Variants in SYNE2 observed in about 807,000 individuals in gnomAD.
SYNE2 encodes the protein spectrin repeat containing nuclear envelope protein 2.
SYNE2 carries 431 observed loss-of-function variants against 856.3 expected under a neutral mutation model. The observed-to-expected ratio is 0.50, with a 90% CI of 0.47 to 0.55. SYNE2 has a LOEUF of 0.55. SYNE2 is among the 20% of genes least tolerant of loss of function. SYNE2 has a pLI of 0.00. For missense variants in SYNE2, 8,129 were observed against 8,023.2 expected (o/e 1.01, Z -0.50); for synonymous variants, 2,923 against 2,872.3 (o/e 1.02, Z -0.56).
At chr14:63,808,053 C>G (rs1490561229) in intron 1 of SYNE2, among the ~76,000 whole-genome samples, 1 of 102,624 alleles carries the variant, frequency 9.7e-6, no homozygotes, top group Admixed American at 1.6e-4. Flanking sequence ...TTACATCATT[C>G]TTATGCCTTT....
chr14:63,768,499 C>G (rs1886772989), intron 1 of SYNE2, among the ~76,000 whole-genome samples: 1 of 152,126 alleles, frequency 6.6e-6, no homozygotes, highest in Admixed American at 6.6e-5. Context: ...TACCATATTC[C>G]AAAGTGCATA....
chr14:64,070,946 T>C (rs770519987), intron 52 of SYNE2, 36 bp downstream of exon 52: 2 of 1,610,000 alleles, frequency 1.2e-6, no homozygotes, highest in Non-Finnish European at 1.7e-6. Flanking sequence ...GACGTGTGCT[T>C]GACAATTATG....
At chr14:63,991,353 G>A (rs1433243754) in intron 21 of SYNE2, among the ~76,000 whole-genome samples, 1 of 152,168 alleles carries the variant, frequency 6.6e-6, no homozygotes, top group Non-Finnish European at 1.5e-5. Context: ...GGTGTAAAGA[G>A]TGCAGCCGAC....
chr14:64,014,388 T>A (rs1342147394), intron 32 of SYNE2, among the ~76,000 whole-genome samples: 1 of 151,994 alleles, frequency 6.6e-6, no homozygotes, highest in African/African-American at 2.4e-5. Flanking sequence ...TGTCCAGGAG[T>A]GTGCTTGCTG....
intron 78 of SYNE2, 48 bp downstream of exon 78, chr14:64,134,248 G>A (rs2098059435): frequency 6.2e-7 from 1 of 1,603,264 alleles, no homozygotes; most frequent in Non-Finnish European, 8.5e-7. Context: ...ATAGCACTTT[G>A]TGTTTTACAT....
intron 94 of SYNE2, among the ~76,000 whole-genome samples, chr14:64,172,354 A>G (rs1386217384): frequency 6.6e-6 from 1 of 152,248 alleles, no homozygotes; most frequent in East Asian, 1.9e-4. Flanking sequence ...GGCTGGTGTC[A>G]TCTGAAGCTC....
intron 1 of SYNE2, among the ~76,000 whole-genome samples, chr14:63,808,161 C>T (rs1595129935): frequency 1.3e-5 from 2 of 151,728 alleles, no homozygotes; most frequent in Admixed American, 1.3e-4. Context: ...GTCCTGGGCT[C>T]AAGCGATTCC....
At chr14:64,177,544 G>T in intron 96 of SYNE2, 61 bp downstream of exon 96, 1 of 1,605,988 alleles carries the variant, frequency 6.2e-7, no homozygotes, top group Non-Finnish European at 8.5e-7. Context: ...GTACTTTGAA[G>T]TGCTTCTTTG....
chr14:64,185,231 T>C (rs1382442925), intron 96 of SYNE2, among the ~76,000 whole-genome samples: 2 of 152,116 alleles, frequency 1.3e-5, no homozygotes, highest in Admixed American at 1.3e-4. Flanking sequence ...CACTGTAGTC[T>C]AGCATGGGAA....
At chr14:64,129,666 G>T in intron 74 of SYNE2, 116 bp from the exon 75 acceptor site, 1 of 1,469,026 alleles carries the variant, frequency 6.8e-7, no homozygotes. Flanking sequence ...AGCGGGAGCT[G>T]GGATTTTTGC....
At chr14:64,102,147 C>A in intron 64 of SYNE2, 105 bp downstream of exon 64, 1 of 795,236 alleles carries the variant, frequency 1.3e-6, no homozygotes, top group East Asian at 2.7e-5. Flanking sequence ...GAGACGGACT[C>A]GCTCTGTCGC....
rs1249809134 is a variant in SYNE2 at position 63,997,405 on chromosome 14, A to G, written c.3243+14A>G. 1 of 1,600,664 alleles carries G rather than the reference A, an allele frequency of 6.2e-7. No individual in the cohort carries two copies. The highest frequency in any genetic ancestry group is 2.2e-5 in the East Asian group (1 of 44,744). On this transcript the variant is annotated intron_variant, in intron 25 of 115. Transcript: ENST00000555002. ...TCAACTGAAAAGGTGTTAAATGTGGATAATGTATTTTAGAAGTAAACCCAA... is the reference window on the plus strand; with the variant it reads ...TCAACTGAAAAGGTGTTAAATGTGGGTAATGTATTTTAGAAGTAAACCCAA...
intron 111 of SYNE2, among the ~76,000 whole-genome samples, chr14:64,221,076 A>G (rs112004715): frequency 4.6e-5 from 7 of 152,262 alleles, no homozygotes; most frequent in African/African-American, 1.7e-4. Flanking sequence ...CTTTTTAGAA[A>G]GAACCTTAAA....
intron 63 of SYNE2, 132 bp downstream of exon 63, chr14:64,098,953 A>G (rs2097699243): frequency 2.2e-6 from 2 of 897,146 alleles, no homozygotes; most frequent in African/African-American, 3.3e-5. Context: ...AGTATGATTG[A>G]AGTAGTTCTC....
At chr14:64,186,689 A>C (rs918517451) in intron 97 of SYNE2, 110 bp downstream of exon 97, 3 of 1,457,374 alleles carry the variant, frequency 2.1e-6, no homozygotes, top group African/African-American at 2.8e-5. Context: ...GGCCCTTTTC[A>C]GTGGGACCCC....
At chr14:64,001,888 C>T (rs754252786) in intron 28 of SYNE2, 46 bp from the exon 29 acceptor site, 1 of 1,607,820 alleles carries the variant, frequency 6.2e-7, no homozygotes, top group Admixed American at 1.7e-5. Flanking sequence ...CATAGGATAT[C>T]TTTCTGCTGT....
At chr14:64,161,948 C>A in intron 87 of SYNE2, 124 bp from the exon 88 acceptor site, 1 of 1,043,248 alleles carries the variant, frequency 9.6e-7, no homozygotes. Context: ...ATTTTAAAAA[C>A]CATTTAACAG....
At chr14:63,801,952 T>G (rs1888146921) in intron 1 of SYNE2, among the ~76,000 whole-genome samples, 1 of 151,996 alleles carries the variant, frequency 6.6e-6, no homozygotes, top group Non-Finnish European at 1.5e-5. Context: ...TTTATTCATC[T>G]TAAGAAGGTC....
intron 7 of SYNE2, 74 bp from the exon 8 acceptor site, chr14:63,954,645 C>A: frequency 1.5e-6 from 2 of 1,357,140 alleles, no homozygotes; most frequent in Non-Finnish European, 2.1e-6. Context: ...ATTTTAATTA[C>A]TATTGAATAT....
Sources: allele counts gnomAD v4.1 joint callset (sites outside exome capture counted in the v4.1 genomes callset), GRCh38; gene constraint gnomAD v4.1.1; transcripts MANE v1.5; gene names NCBI Gene and HGNC (gene_info 2026-07-23, HGNC 2026-07-21).